DPP10: variants seen among roughly 807,000 people sequenced by gnomAD.
DPP10 encodes inactive dipeptidyl peptidase 10.
In DPP10, 33 loss-of-function variants were observed where a neutral mutation model predicts 120.9. That is an observed-to-expected ratio of 0.27 (90% CI 0.21 to 0.37). DPP10 has a LOEUF of 0.37. Among genes scored for constraint, DPP10 ranks in the 10% least tolerant of loss-of-function variants. DPP10 has a pLI of 1.00. For synonymous variants in DPP10, 337 were observed against 326.1 expected (o/e 1.03, Z -0.36); for missense variants, 816 against 942.8 (o/e 0.87, Z 1.76).
At chr2:115,348,477 T>C (rs1281497802) in intron 3 of DPP10, among the ~76,000 whole-genome samples, 1 of 152,166 alleles carries the variant, frequency 6.6e-6, no homozygotes, top group Non-Finnish European at 1.5e-5. Flanking sequence ...AATGCATGTG[T>C]TTACATAGTT....
intron 1 of DPP10, among the ~76,000 whole-genome samples, chr2:115,102,376 A>G (rs890767353): frequency 1.2e-4 from 18 of 151,574 alleles, no homozygotes; most frequent in Admixed American, 6.6e-4. Context: ...CATTCAGTTA[A>G]TAACATGGGG....
intron 5 of DPP10, among the ~76,000 whole-genome samples, chr2:115,592,076 C>T (rs2082697894): frequency 1.3e-5 from 2 of 152,046 alleles, no homozygotes; most frequent in African/African-American, 4.8e-5. Flanking sequence ...CCTAAAGGGG[C>T]ACTGAAAAAT....
intron 1 of DPP10, among the ~76,000 whole-genome samples, chr2:114,730,011 G>A (rs1267997265): frequency 6.6e-6 from 1 of 152,140 alleles, no homozygotes; most frequent in Non-Finnish European, 1.5e-5. Flanking sequence ...TTGTTTTGCT[G>A]TGTGTCGTTC....
At chr2:115,235,940 G>A (rs540587613) in intron 1 of DPP10, among the ~76,000 whole-genome samples, 2 of 152,188 alleles carry the variant, frequency 1.3e-5, no homozygotes, top group African/African-American at 2.4e-5. Context: ...CCTCATAGAC[G>A]ATTGTTCAGT....
chr2:114,490,152 T>G (rs1044266731), intron 1 of DPP10, among the ~76,000 whole-genome samples: 6 of 152,202 alleles, frequency 3.9e-5, no homozygotes, highest in African/African-American at 1.2e-4. Context: ...TAATTTCTCA[T>G]TCTCTGGCTA....
chr2:115,407,492 G>A (rs2068604969), intron 3 of DPP10, among the ~76,000 whole-genome samples: 3 of 152,274 alleles, frequency 2.0e-5, no homozygotes, highest in South Asian at 4.1e-4. Flanking sequence ...GGCAAAAGGG[G>A]CCATTGTCCA....
At chr2:115,168,237 A>G (rs1190145660) in intron 1 of DPP10, among the ~76,000 whole-genome samples, 1 of 152,158 alleles carries the variant, frequency 6.6e-6, no homozygotes, top group African/African-American at 2.4e-5. Flanking sequence ...AATCATCTCC[A>G]TATATTTTCA....
At chr2:114,489,513 G>C (rs1011124044) in intron 1 of DPP10, among the ~76,000 whole-genome samples, 2 of 152,174 alleles carry the variant, frequency 1.3e-5, no homozygotes, top group African/African-American at 4.8e-5. Context: ...TACCATAATT[G>C]CTAACATCAT....
At chr2:114,660,352 T>A (rs1697307304) in intron 1 of DPP10, among the ~76,000 whole-genome samples, 1 of 152,200 alleles carries the variant, frequency 6.6e-6, no homozygotes, top group African/African-American at 2.4e-5. Flanking sequence ...TCAGAGCTTC[T>A]GCAGAGAGAG....
intron 1 of DPP10, among the ~76,000 whole-genome samples, chr2:115,159,050 T>C (rs904655449): frequency 6.6e-6 from 1 of 152,146 alleles, no homozygotes; most frequent in African/African-American, 2.4e-5. Flanking sequence ...ACAAATAATT[T>C]TTCATTCAGA....
chr2:115,577,253 C>A (rs1404420609), intron 5 of DPP10, among the ~76,000 whole-genome samples: 1 of 152,138 alleles, frequency 6.6e-6, no homozygotes, highest in Admixed American at 6.5e-5. Flanking sequence ...GCCTAGGGTT[C>A]CGTAGAGTCT....
chr2:115,730,083 A>C (rs2092867261), intron 8 of DPP10, among the ~76,000 whole-genome samples: 1 of 152,282 alleles, frequency 6.6e-6, no homozygotes, highest in Non-Finnish European at 1.5e-5. Context: ...AGAAGTTTTC[A>C]AGTAAGGGAG....
chr2:114,602,162 G>C (rs1692424300), intron 1 of DPP10, among the ~76,000 whole-genome samples: 1 of 151,710 alleles, frequency 6.6e-6, no homozygotes, highest in African/African-American at 2.4e-5. Flanking sequence ...AATACACATA[G>C]AGCCATGAAA....
Position 114,442,654 on chromosome 2 carries a change from G to A in DPP10, c.-125G>A. 9.5e-7 allele frequency: 1 copy of A among 1,055,826 alleles called. No homozygotes were observed. Among genetic ancestry groups the A allele is most frequent in the South Asian group, 1.4e-5 (1 of 71,062 alleles). The allele number at this position is 1,055,826 out of a possible 1,614,324, so 65.4% of individuals were successfully genotyped here. ...AGCAGCAGAAACAGAAGCAGCAGAA[G>A]CAACAGCAGTAGCAGCGGCAGCAGC... is the stretch of plus-strand genomic sequence containing the variant. On this transcript the variant is annotated 5_prime_UTR_variant, in exon 1 of 26. Transcript: ENST00000410059.
At chr2:115,801,420 C>A (rs1019015630) in intron 19 of DPP10, among the ~76,000 whole-genome samples, 1 of 152,072 alleles carries the variant, frequency 6.6e-6, no homozygotes, top group East Asian at 1.9e-4. Context: ...AATTGAATAC[C>A]CTTTATTCCT....
chr2:114,894,880 A>G (rs565984434), intron 1 of DPP10, among the ~76,000 whole-genome samples: 1 of 152,208 alleles, frequency 6.6e-6, no homozygotes, highest in Non-Finnish European at 1.5e-5. Flanking sequence ...ATGGGAAAGG[A>G]CATAGCTTAT....
chr2:115,644,136 G>A lies in DPP10; in HGVS notation c.442-45551G>A, dbSNP rs540252174. On this transcript the variant is annotated intron_variant, in intron 5 of 25. Transcript: ENST00000410059. ...AAACTTAACCATGTCTAACCCACAG[G>A]AAAATAATAGTTTCTTTTTTTAAAT... Among the ~76,000 whole-genome samples the A allele has an allele frequency of 5.9e-5, 9 of 151,884 alleles. 1 individual carries two copies. The South Asian group carries it at 1.9e-3, about 32-fold the overall frequency.
chr2:114,779,299 A>C (rs1682056263), intron 1 of DPP10, among the ~76,000 whole-genome samples: 1 of 152,024 alleles, frequency 6.6e-6, no homozygotes, highest in Admixed American at 6.5e-5. Flanking sequence ...AGGCAACCAG[A>C]CTCTTCTGAG....
At chr2:114,587,953 C>A (rs1028768542) in intron 1 of DPP10, among the ~76,000 whole-genome samples, 15 of 152,238 alleles carry the variant, frequency 9.9e-5, no homozygotes, top group Non-Finnish European at 1.6e-4. Context: ...ACAGGCCTAA[C>A]ACAAAAGTCA....
Sources: gnomAD v4.1 joint callset for allele counts (sites outside exome capture counted in the v4.1 genomes callset) on GRCh38, gnomAD v4.1.1 for gene constraint, MANE v1.5 for transcripts, NCBI Gene and HGNC (gene_info 2026-07-23, HGNC 2026-07-21) for gene names.